LRMDA: variants seen among roughly 807,000 people sequenced by gnomAD.
The protein encoded by LRMDA is leucine rich melanocyte differentiation associated, also known as leucine-rich melanocyte differentiation-associated protein.
Under a neutral mutation model 29.8 loss-of-function variants are expected in LRMDA, and 18 were observed. That is an observed-to-expected ratio of 0.60 (90% CI 0.42 to 0.90). LRMDA has a LOEUF of 0.90. LRMDA is among the 40% of genes least tolerant of loss of function. The pLI, the probability that LRMDA is intolerant of heterozygous loss-of-function variation, is 0.00. For synonymous variants in LRMDA, 125 were observed against 109.4 expected, an observed-to-expected ratio of 1.14 and a Z score of -0.89; for missense variants, 273 against 273.9, an observed-to-expected ratio of 1.00 and a Z score of 0.02.
At chr10:75,697,850 T>TGTGTGTGTGTGTGTGTGCGCGC (rs10664076) in intron 2 of LRMDA, among the ~76,000 whole-genome samples, 12 of 151,704 alleles carry the variant, frequency 7.9e-5, no homozygotes, top group Admixed American at 3.3e-4. Flanking sequence ...TGTGTGTGTG[T>TGTGTGTGTGTGTGTGTGCGCGC]GCGTGTGTGT....
At chr10:76,379,079 A>G (rs1164349173) in intron 6 of LRMDA, among the ~76,000 whole-genome samples, 1 of 149,300 alleles carries the variant, frequency 6.7e-6, no homozygotes. Context: ...CTGGTCTCAG[A>G]CTCCTGACCT....
intron 2 of LRMDA, among the ~76,000 whole-genome samples, chr10:75,794,489 G>A (rs1843619728): frequency 6.6e-6 from 1 of 152,140 alleles, no homozygotes; most frequent in African/African-American, 2.4e-5. Context: ...GTGGGTAGAT[G>A]TAGGTTTAAA....
intron 2 of LRMDA, among the ~76,000 whole-genome samples, chr10:75,646,666 C>T (rs1158974286): frequency 6.6e-6 from 1 of 152,116 alleles, no homozygotes; most frequent in African/African-American, 2.4e-5. Flanking sequence ...ATAATCAGCC[C>T]CCTCTACGGA....
At chr10:76,551,234 T>C (rs1843490881) in intron 6 of LRMDA, among the ~76,000 whole-genome samples, 1 of 151,136 alleles carries the variant, frequency 6.6e-6, no homozygotes, top group Admixed American at 6.6e-5. Context: ...CACCACGATT[T>C]AGGAACTGTG....
At chr10:75,881,477 CA>C (rs1000483292) in intron 2 of LRMDA, among the ~76,000 whole-genome samples, 1 of 152,096 alleles carries the variant, frequency 6.6e-6, no homozygotes, top group African/African-American at 2.4e-5. Context: ...ACTCCCTTTG[CA>C]AATCTCTCCC....
At chr10:76,291,713 G>A (rs931565095) in intron 5 of LRMDA, among the ~76,000 whole-genome samples, 1 of 151,870 alleles carries the variant, frequency 6.6e-6, no homozygotes, top group African/African-American at 2.4e-5. Flanking sequence ...GGGAAATGCT[G>A]CTATTATGCC....
intron 2 of LRMDA, among the ~76,000 whole-genome samples, chr10:75,863,093 A>G (rs1441045963): frequency 1.3e-5 from 2 of 152,034 alleles, no homozygotes; most frequent in African/African-American, 4.8e-5. Flanking sequence ...AGATTCTCTG[A>G]CATTTTAGTT....
At chr10:76,367,112 C>G (rs1291936743) in intron 6 of LRMDA, among the ~76,000 whole-genome samples, 2 of 152,138 alleles carry the variant, frequency 1.3e-5, no homozygotes, top group Non-Finnish European at 2.9e-5. Flanking sequence ...TCTACTTGAT[C>G]ATAGTGGATT....
chr10:76,293,634 A>G (rs982376606), intron 5 of LRMDA, among the ~76,000 whole-genome samples: 2 of 152,226 alleles, frequency 1.3e-5, no homozygotes, highest in African/African-American at 4.8e-5. Flanking sequence ...GGAGATAACT[A>G]TGAGGAGTTA....
At chr10:76,552,721 T>C (rs576822870) in intron 6 of LRMDA, among the ~76,000 whole-genome samples, 2 of 152,276 alleles carry the variant, frequency 1.3e-5, no homozygotes, top group South Asian at 4.1e-4. Flanking sequence ...TAAATGCAGG[T>C]CTTCCCCCAC....
intron 5 of LRMDA, among the ~76,000 whole-genome samples, chr10:76,064,253 A>G (rs1848748778): frequency 6.6e-6 from 1 of 152,198 alleles, no homozygotes; most frequent in Admixed American, 6.5e-5. Flanking sequence ...GGGAAAACCT[A>G]CTACTACCAC....
At chr10:75,562,906 G>T (rs1391407639) in intron 2 of LRMDA, among the ~76,000 whole-genome samples, 1 of 152,158 alleles carries the variant, frequency 6.6e-6, no homozygotes, top group Non-Finnish European at 1.5e-5. Context: ...TCTGCTGTTA[G>T]TCTGATGGGC....
rs925897621 is a variant in LRMDA, at chr10:75,431,721, C to G, written c.-4C>G. 1.5e-6 allele frequency: 2 copies of G among 1,353,018 alleles called. No individual in the cohort carries two copies. The highest frequency in any genetic ancestry group is 5.9e-5 in the Admixed American group (2 of 34,146). The allele number at this position is 1,353,018 out of a possible 1,614,324, so 83.8% of individuals were successfully genotyped here. ...TCCCGCGCGCCCGCAGCGTCCTGGC[C>G]GCCATGGCCGGGCTCGTGGTGCGTG... On this transcript the variant is annotated 5_prime_UTR_variant, in exon 1 of 7. Coordinates refer to ENST00000611255, the MANE Select transcript of LRMDA (RefSeq NM_001305581.2).
At chr10:75,835,679 G>A (rs924368600) in intron 2 of LRMDA, among the ~76,000 whole-genome samples, 1 of 152,190 alleles carries the variant, frequency 6.6e-6, no homozygotes, top group African/African-American at 2.4e-5. Flanking sequence ...CTTAGATCAA[G>A]CCATTTTGCT....
At chr10:75,542,211 T>G (rs1292669199) in intron 2 of LRMDA, among the ~76,000 whole-genome samples, 1 of 152,148 alleles carries the variant, frequency 6.6e-6, no homozygotes. Context: ...AAAGAATCTT[T>G]CCTTGCATGA....
intron 2 of LRMDA, among the ~76,000 whole-genome samples, chr10:75,516,859 C>T (rs914765081): frequency 5.3e-5 from 8 of 152,102 alleles, no homozygotes; most frequent in African/African-American, 1.7e-4. Context: ...ATCAATCCAT[C>T]TTGAATTAAG....
At chr10:75,985,204 A>C (rs1455103647) in intron 2 of LRMDA, among the ~76,000 whole-genome samples, 2 of 152,214 alleles carry the variant, frequency 1.3e-5, no homozygotes, top group Non-Finnish European at 2.9e-5. Flanking sequence ...AAGTAAAGGG[A>C]AATGTATAAA....
intron 5 of LRMDA, among the ~76,000 whole-genome samples, chr10:76,246,796 A>G (rs1412097502): frequency 3.9e-5 from 6 of 152,214 alleles, no homozygotes; most frequent in African/African-American, 1.4e-4. Context: ...CTGTCTTTGC[A>G]TTGCACACAA....
At chr10:76,441,570 G>A (rs1842303329) in intron 6 of LRMDA, among the ~76,000 whole-genome samples, 1 of 152,160 alleles carries the variant, frequency 6.6e-6, no homozygotes, top group African/African-American at 2.4e-5. Flanking sequence ...GGTCATTCAT[G>A]TTCCCCATTC....
Sources: gnomAD v4.1 joint callset for allele counts (sites outside exome capture counted in the v4.1 genomes callset) on GRCh38, gnomAD v4.1.1 for gene constraint, MANE v1.5 for transcripts, NCBI Gene and HGNC (gene_info 2026-07-23, HGNC 2026-07-21) for gene names.